Variants in ZNF623 observed in about 807,000 individuals in gnomAD.
ZNF623 encodes zinc finger protein 623.
A neutral mutation model predicts 24.0 loss-of-function variants in ZNF623; 16 were observed. That is an observed-to-expected ratio of 0.67 (90% CI 0.45 to 1.01). The LOEUF is 1.01. Among genes scored for constraint, ZNF623 ranks in the 50% least tolerant of loss-of-function variants. ZNF623 has a pLI of 0.00. For synonymous variants in ZNF623, 224 were observed against 219.8 expected, an observed-to-expected ratio of 1.02 and a Z score of -0.17; for missense variants, 566 against 606.5, an observed-to-expected ratio of 0.93 and a Z score of 0.70.
At position 143,651,329 on chromosome 8, in the gene ZNF623, T is replaced by C; in HGVS notation, c.1337T>C (p.Leu446Pro). ...CAGAAAATTCATACTGAAGAGAAGC[T>C]CTATGAATGTAGTCAGTATGGGAGA... Reference protein sequence around the residue: ...QHQKIHTEEKLYECSQYGRDF... With the variant: ...QHQKIHTEEKPYECSQYGRDF... The change falls in exon 2 of 2, where the codon CTC becomes CCC. Residue 446 changes from leucine (L) to proline (P), a missense_variant. Transcript: ENST00000526926. The C allele has an allele frequency of 6.2e-7, 1 of 1,614,180 alleles. No individual in the cohort carries two copies.
rs746738488 is a variant in ZNF623, at chr8:143,651,214, C to T, written c.1222C>T (p.Leu408=). The T allele has an allele frequency of 6.2e-7, 1 of 1,614,218 alleles. No individual in the cohort carries two copies. The highest frequency in any genetic ancestry group is 1.1e-5 in the South Asian group (1 of 91,082). The change falls in exon 2 of 2, where the codon CTG becomes TTG. Residue 408 remains leucine, a synonymous_variant. Coordinates refer to ENST00000526926, the MANE Select transcript of ZNF623 (RefSeq NM_001261843.2). Reference sequence around the variant, plus strand: ...CTTCATCCAGAGCTCCAAGCTGCTTCTGCACCAGATTATTCACACTGGAGA... The same window carrying T: ...CTTCATCCAGAGCTCCAAGCTGCTTTTGCACCAGATTATTCACACTGGAGA... ...KAFIQSSKLL[L]HQIIHTGEKP...
At chr8:143,639,779 T>C (rs1402620595) in intron 1 of ZNF623, among the ~76,000 whole-genome samples, 1 of 152,236 alleles carries the variant, frequency 6.6e-6, no homozygotes, top group Non-Finnish European at 1.5e-5. Context: ...AATAAGAAAC[T>C]TGAGTTGTCT....
At chr8:143,637,604 C>T (rs1814954062) in intron 1 of ZNF623, among the ~76,000 whole-genome samples, 1 of 152,118 alleles carries the variant, frequency 6.6e-6, no homozygotes, top group Non-Finnish European at 1.5e-5. Context: ...GGCTGGAGTG[C>T]AGTGGCATGA....
At chr8:143,637,608 G>T (rs1297577895) in intron 1 of ZNF623, among the ~76,000 whole-genome samples, 1 of 152,148 alleles carries the variant, frequency 6.6e-6, no homozygotes, top group Non-Finnish European at 1.5e-5. Context: ...GGAGTGCAGT[G>T]GCATGATCTC....
intron 1 of ZNF623, among the ~76,000 whole-genome samples, chr8:143,647,672 C>T (rs989363504): frequency 2.0e-5 from 3 of 152,164 alleles, no homozygotes; most frequent in Admixed American, 6.6e-5. Flanking sequence ...AGTCCAGGCC[C>T]AGTGGCCCTT....
intron 1 of ZNF623, among the ~76,000 whole-genome samples, chr8:143,640,244 A>T (rs1815020248): frequency 6.6e-6 from 1 of 152,270 alleles, no homozygotes; most frequent in African/African-American, 2.4e-5. Flanking sequence ...TAATTTAAAG[A>T]TACTTTATTG....
intron 1 of ZNF623, among the ~76,000 whole-genome samples, chr8:143,648,954 C>G (rs1034285649): frequency 6.6e-6 from 1 of 151,828 alleles, no homozygotes; most frequent in African/African-American, 2.4e-5. Flanking sequence ...CTCTCAGGCC[C>G]CATTAGGCAA....
chr8:143,650,847 G>C lies in ZNF623; in HGVS notation c.855G>C (p.Gly285=). 6.2e-7 allele frequency: 1 copy of C among 1,614,184 alleles called. No individual in the cohort carries two copies. The highest frequency in any genetic ancestry group is 8.5e-7 in the Non-Finnish European group (1 of 1,180,028). ...GERPFECNEC[G]KAFIRSSKLI... ...GACCCTTTGAATGCAATGAGTGTGG[G>C]AAAGCCTTTATTCGGAGTTCAAAGC... The change falls in exon 2 of 2, where the codon GGG becomes GGC. Residue 285 remains glycine, a synonymous_variant. Transcript: ENST00000526926. The surrounding 1 kb of genome is among the most constrained non-coding windows in gnomAD (Gnocchi z 5.2).
At chr8:143,636,935 C>T (rs1814938441) in intron 1 of ZNF623, among the ~76,000 whole-genome samples, 1 of 152,188 alleles carries the variant, frequency 6.6e-6, no homozygotes, top group Non-Finnish European at 1.5e-5. Context: ...TGGCCTCAGA[C>T]TCATAGGTAG....
Position 143,650,440 on chromosome 8 carries a change from C to A in ZNF623, c.448C>A (p.His150Asn), listed in dbSNP as rs771427452. 2.5e-6 allele frequency: 4 copies of A among 1,613,968 alleles called. No individual in the cohort carries two copies. The Admixed American group carries it at 6.7e-5, about 27-fold the overall frequency. The change falls in exon 2 of 2, where the codon CAC becomes AAC. Residue 150 changes from histidine (H) to asparagine (N), a missense_variant. Around this residue, in one of 3 missense-constraint regions of ZNF623, gnomAD observed 313 missense variants for 300.4 expected, o/e 1.04. Transcript: ENST00000526926. This position sits in a 1 kb window ranked among gnomAD's most constrained non-coding sequence, Gnocchi z 5.2. ...VCNVCGKDFIHYSGLIEHQRV... is the reference protein window; with the variant it reads ...VCNVCGKDFINYSGLIEHQRV... Reference sequence around the variant, plus strand: ...TAATGTGTGTGGGAAAGACTTCATTCACTATTCAGGTCTCATTGAGCATCA... The same window carrying A: ...TAATGTGTGTGGGAAAGACTTCATTAACTATTCAGGTCTCATTGAGCATCA...
chr8:143,637,794 C>T (rs894560226), intron 1 of ZNF623, among the ~76,000 whole-genome samples: 1 of 152,206 alleles, frequency 6.6e-6, no homozygotes, highest in Non-Finnish European at 1.5e-5. Context: ...GTGATCTGCC[C>T]ACCTCGGCTT....
intron 1 of ZNF623, among the ~76,000 whole-genome samples, chr8:143,643,485 C>T (rs556861052): frequency 6.6e-6 from 1 of 152,206 alleles, no homozygotes. Flanking sequence ...AAGCAGTTCC[C>T]AGAGTGAGGA....
At chr8:143,643,794 C>T (rs1815113082) in intron 1 of ZNF623, among the ~76,000 whole-genome samples, 1 of 152,204 alleles carries the variant, frequency 6.6e-6, no homozygotes, top group Non-Finnish European at 1.5e-5. Flanking sequence ...GTTGTGAGGT[C>T]CACCTGTGCT....
chr8:143,637,258 A>G (rs1293824426), intron 1 of ZNF623, among the ~76,000 whole-genome samples: 2 of 152,238 alleles, frequency 1.3e-5, no homozygotes, highest in African/African-American at 2.4e-5. Flanking sequence ...AAGGAGGTCC[A>G]GATGTTAGTG....
At chr8:143,646,546 CGTGTGTGTGT>C (rs60526625) in intron 1 of ZNF623, among the ~76,000 whole-genome samples, 1 of 149,354 alleles carries the variant, frequency 6.7e-6, no homozygotes, top group African/African-American at 2.5e-5. Flanking sequence ...GGGGTGTGTG[CGTGTGTGTGT>C]GTGTGTGTGT....
Position 143,636,045 on chromosome 8 carries a change from C to A in ZNF623, c.-196C>A, listed in dbSNP as rs1364841970. The A allele has an allele frequency of 1.3e-5, 2 of 152,512 alleles. No homozygotes were observed. Among genetic ancestry groups the A allele is most frequent in the African/African-American group, 4.8e-5 (2 of 41,472 alleles). 9.4% of individuals were successfully genotyped at this position (152,512 alleles called of 1,614,324 possible). On this transcript the variant is annotated 5_prime_UTR_variant, in exon 1 of 2. Transcript: ENST00000526926. ...ACTTCCGGTCGCGGCGGGCTGGCGG[C>A]GGTGCAGGCTTTGTCGGCTGATCTG...
At chr8:143,649,243 A>C (rs964002533) in intron 1 of ZNF623, among the ~76,000 whole-genome samples, 1 of 151,078 alleles carries the variant, frequency 6.6e-6, no homozygotes, top group Non-Finnish European at 1.5e-5. Flanking sequence ...GCACCACTGC[A>C]CTCCAGCCTG....
chr8:143,640,941 TAAA>T (rs57279986), intron 1 of ZNF623, among the ~76,000 whole-genome samples: 1,148 of 65,560 alleles, frequency 0.018, 26 homozygotes, highest in South Asian at 0.04. Flanking sequence ...ACTCTGTCTT[TAAA>T]AAAAAAAAAA....
Position 143,649,961 on chromosome 8 carries a change from C to T in ZNF623, c.-32C>T. The T allele has an allele frequency of 6.2e-7, 1 of 1,613,994 alleles. No homozygotes were observed. On this transcript the variant is annotated 5_prime_UTR_variant, in exon 2 of 2. Transcript: ENST00000526926. ...GCCTGGATTTCTGAGGATGAAAACT[C>T]ACATAGGACGACGTCAGACAGACTC...
Sources: allele counts gnomAD v4.1 joint callset (sites outside exome capture counted in the v4.1 genomes callset), GRCh38; gene constraint gnomAD v4.1.1; regional missense constraint gnomAD v4.1.1; non-coding constraint Gnocchi (gnomAD v3.1); transcripts MANE v1.5; gene names NCBI Gene and HGNC (gene_info 2026-07-23, HGNC 2026-07-21).